AGBL1: variants seen among roughly 807,000 people sequenced by gnomAD.
The protein encoded by AGBL1 is AGBL carboxypeptidase 1.
In AGBL1, 130 loss-of-function variants were observed where a neutral mutation model predicts 118.9. The ratio of observed to expected loss-of-function variants is 1.09; its 90% CI spans 0.95 to 1.26. The LOEUF (loss-of-function observed/expected upper bound fraction) is 1.26. Ranked by LOEUF, AGBL1 falls within the 50% of genes most tolerant of loss-of-function variation. The pLI is 0.00. For missense variants in AGBL1, 1,584 were observed against 1,298.1 expected, an observed-to-expected ratio of 1.22 and a Z score of -3.38; for synonymous variants, 555 against 478.9, an observed-to-expected ratio of 1.16 and a Z score of -2.08.
intron 21 of AGBL1, among the ~76,000 whole-genome samples, chr15:86,625,757 G>A (rs2084877543): frequency 6.6e-6 from 1 of 152,096 alleles, no homozygotes; most frequent in Non-Finnish European, 1.5e-5. Flanking sequence ...TATTTATTAA[G>A]TTTCTCCCCT....
intron 18 of AGBL1, among the ~76,000 whole-genome samples, chr15:86,422,571 G>C (rs1030444257): frequency 2.0e-5 from 3 of 152,030 alleles, no homozygotes; most frequent in Admixed American, 2.0e-4. Flanking sequence ...TCAAAAGCTA[G>C]CAGAAAACGA....
intron 22 of AGBL1, among the ~76,000 whole-genome samples, chr15:86,823,346 T>C (rs1398713137): frequency 6.6e-6 from 1 of 152,150 alleles, no homozygotes; most frequent in Admixed American, 6.5e-5. Context: ...TCTCTTGAGT[T>C]CCTCAGGCCA....
At chr15:86,667,607 A>G (rs549056828) in intron 21 of AGBL1, among the ~76,000 whole-genome samples, 2 of 152,200 alleles carry the variant, frequency 1.3e-5, no homozygotes, top group Admixed American at 1.3e-4. Context: ...TTATATTTCA[A>G]ATACTTGGAG....
At chr15:86,728,465 A>T (rs538491113) in intron 22 of AGBL1, among the ~76,000 whole-genome samples, 1 of 152,318 alleles carries the variant, frequency 6.6e-6, no homozygotes, top group African/African-American at 2.4e-5. Context: ...GTCCTCAGTC[A>T]GACAGGTGGC....
chr15:86,532,720 T>G (rs1381716276), intron 19 of AGBL1, among the ~76,000 whole-genome samples: 3 of 151,422 alleles, frequency 2.0e-5, no homozygotes, highest in Admixed American at 6.6e-5. Context: ...ATACTACAAG[T>G]CTACAGTAAC....
At chr15:86,938,125 C>G (rs2080698550) in intron 23 of AGBL1, among the ~76,000 whole-genome samples, 1 of 152,152 alleles carries the variant, frequency 6.6e-6, no homozygotes, top group Non-Finnish European at 1.5e-5. Context: ...AGAGACACTT[C>G]TGATAAGTGT....
chr15:86,408,278 G>A (rs976952969), intron 18 of AGBL1, among the ~76,000 whole-genome samples: 3 of 152,140 alleles, frequency 2.0e-5, no homozygotes, highest in South Asian at 2.1e-4. Flanking sequence ...ACAAGATGGG[G>A]GAGTAAAATT....
At chr15:86,872,751 G>T (rs940779729) in intron 22 of AGBL1, among the ~76,000 whole-genome samples, 3 of 152,100 alleles carry the variant, frequency 2.0e-5, no homozygotes, top group African/African-American at 7.2e-5. Context: ...GTGAGACTCC[G>T]TCTATAAATA....
intron 17 of AGBL1, among the ~76,000 whole-genome samples, chr15:86,384,709 TG>T (rs1254467902): frequency 3.3e-5 from 5 of 152,180 alleles, no homozygotes; most frequent in Admixed American, 3.3e-4. Flanking sequence ...ATCTGAAAAT[TG>T]CCCAGGAATA....
At chr15:86,407,908 A>G (rs2081553443) in intron 18 of AGBL1, among the ~76,000 whole-genome samples, 1 of 152,086 alleles carries the variant, frequency 6.6e-6, no homozygotes, top group Non-Finnish European at 1.5e-5. Flanking sequence ...CATTCCCTGT[A>G]TGCCTATGGG....
intron 1 of AGBL1, among the ~76,000 whole-genome samples, chr15:86,137,787 C>A (rs2076908956): frequency 6.6e-6 from 1 of 152,190 alleles, no homozygotes; most frequent in South Asian, 2.1e-4. Context: ...TCCATCAACA[C>A]TCAACCATCC....
At chr15:86,763,575 G>C (rs1284622991) in intron 22 of AGBL1, among the ~76,000 whole-genome samples, 2 of 151,940 alleles carry the variant, frequency 1.3e-5, no homozygotes, top group Non-Finnish European at 2.9e-5. Context: ...GTCATTATTT[G>C]ACTTTAAATC....
At chr15:86,992,877 C>G (rs189177893) in intron 24 of AGBL1, among the ~76,000 whole-genome samples, 1 of 152,232 alleles carries the variant, frequency 6.6e-6, no homozygotes, top group East Asian at 1.9e-4. Flanking sequence ...GTTATCTAGT[C>G]ATAGTTTCCT....
intron 23 of AGBL1, among the ~76,000 whole-genome samples, chr15:86,982,360 T>C (rs1398966991): frequency 1.3e-5 from 2 of 152,126 alleles, no homozygotes; most frequent in Non-Finnish European, 2.9e-5. Context: ...TTGTATAATG[T>C]TGATGGACAT....
intron 17 of AGBL1, among the ~76,000 whole-genome samples, chr15:86,368,905 G>T (rs959227121): frequency 6.6e-6 from 1 of 152,132 alleles, no homozygotes; most frequent in African/African-American, 2.4e-5. Context: ...TTAATTAGCA[G>T]AACAAGAGGA....
At chr15:86,577,803 G>T (rs1476181336) in intron 21 of AGBL1, among the ~76,000 whole-genome samples, 1 of 150,814 alleles carries the variant, frequency 6.6e-6, no homozygotes, top group Non-Finnish European at 1.5e-5. Context: ...CTTCCACGTG[G>T]TGTTGAGCCT....
chr15:86,457,931 A>G (rs1401279648), intron 18 of AGBL1, among the ~76,000 whole-genome samples: 3 of 152,196 alleles, frequency 2.0e-5, no homozygotes, highest in Non-Finnish European at 4.4e-5. Flanking sequence ...GCCTCTTTCA[A>G]CTGTCAGTGC....
At chr15:86,666,140 TAGG>T (rs2085640055) in intron 21 of AGBL1, among the ~76,000 whole-genome samples, 1 of 152,138 alleles carries the variant, frequency 6.6e-6, no homozygotes, top group African/African-American at 2.4e-5. Context: ...GATAGACTAA[TAGG>T]AGGAGAATCG....
chr15:86,242,697 C>G (rs950044263), intron 6 of AGBL1, among the ~76,000 whole-genome samples: 7 of 152,216 alleles, frequency 4.6e-5, no homozygotes, highest in Admixed American at 1.3e-4. Context: ...CCTACATTTT[C>G]TCTGCTTAAG....
Sources: gnomAD v4.1 joint callset for allele counts (sites outside exome capture counted in the v4.1 genomes callset) on GRCh38, gnomAD v4.1.1 for gene constraint, MANE v1.5 for transcripts, NCBI Gene and HGNC (gene_info 2026-07-23, HGNC 2026-07-21) for gene names.